The following EMSY variants were observed in gnomAD, a reference collection of about 807,000 sequenced individuals.
EMSY encodes EMSY transcriptional repressor, BRCA2 interacting, also known as BRCA2-interacting transcriptional repressor EMSY.
In EMSY, 26 loss-of-function variants were observed where a neutral mutation model predicts 134.6. The ratio of observed to expected loss-of-function variants is 0.19; its 90% CI spans 0.14 to 0.27. The LOEUF (loss-of-function observed/expected upper bound fraction) is 0.27, where lower values mean the gene tolerates loss of function less well. Ranked by LOEUF, EMSY falls within the 10% of genes least tolerant of loss-of-function variation. EMSY has a pLI of 1.00. For synonymous variants in EMSY, 579 were observed against 577.8 expected, an observed-to-expected ratio of 1.00 and a Z score of -0.03; for missense variants, 1,305 against 1,611.4, an observed-to-expected ratio of 0.81 and a Z score of 3.26.
intron 8 of EMSY, among the ~76,000 whole-genome samples, chr11:76,492,429 C>G (rs1171084405): frequency 6.6e-6 from 1 of 152,082 alleles, no homozygotes; most frequent in African/African-American, 2.4e-5. Context: ...GTTGAGATCA[C>G]GCCACTGCAC....
chr11:76,521,765 T>TA (rs757237301), intron 11 of EMSY, among the ~76,000 whole-genome samples: 2,039 of 126,996 alleles, frequency 0.016, 26 homozygotes, highest in African/African-American at 0.044. Flanking sequence ...CTGTTTCTCT[T>TA]AAAAAAAAAA....
In EMSY at chr11:76,526,719, G is replaced by T. The variant is rs139648806; in HGVS notation, c.1995+84G>T. On this transcript the variant is annotated intron_variant, in intron 13 of 20. Coordinates refer to ENST00000334736, the Ensembl canonical transcript of EMSY. ...TCCCGGGTAGAAATTTGAAGGAAAAGATCAGCAATCTTTAAGAAATCAGAT... is the reference window on the plus strand; with the variant it reads ...TCCCGGGTAGAAATTTGAAGGAAAATATCAGCAATCTTTAAGAAATCAGAT... 3.1e-4 allele frequency: 402 copies of T among 1,293,778 alleles called. 2 individuals carry two copies. In the African/African-American group the frequency reaches 5.4e-3, roughly 17 times the overall value. The allele number at this position is 1,293,778 out of a possible 1,614,324, so 80.1% of individuals were successfully genotyped here. A position where few individuals can be genotyped will look rare whatever the true frequency, so the allele number is the denominator to read the frequency against.
intron 8 of EMSY, among the ~76,000 whole-genome samples, chr11:76,494,860 C>T (rs993694368): frequency 1.3e-5 from 2 of 152,222 alleles, no homozygotes; most frequent in Admixed American, 6.5e-5. Context: ...CTCACCTTCC[C>T]GAGTAGCTGG....
intron 10 of EMSY, among the ~76,000 whole-genome samples, chr11:76,515,211 G>A (rs111801049): frequency 0.012 from 1,872 of 150,862 alleles, 32 homozygotes; most frequent in African/African-American, 0.041. Context: ...TTTTTTGGGG[G>A]GGGGGAGGAG....
intron 5 of EMSY, chr11:76,458,993 G>A (rs942306443): frequency 1.3e-5 from 2 of 152,184 alleles, no homozygotes; most frequent in African/African-American, 4.8e-5. Flanking sequence ...AGGTTACTCT[G>A]GGGAATTGTC....
At chr11:76,445,475 G>A (rs964649672) in intron 1 of EMSY, among the ~76,000 whole-genome samples, 1 of 152,162 alleles carries the variant, frequency 6.6e-6, no homozygotes, top group Non-Finnish European at 1.5e-5. Flanking sequence ...GGCTTGGGTC[G>A]TGGACTTGAC....
chr11:76,527,025 T>C (rs1950868074), intron 13 of EMSY, among the ~76,000 whole-genome samples: 2 of 152,194 alleles, frequency 1.3e-5, no homozygotes, highest in Admixed American at 6.6e-5. Flanking sequence ...CTTATAAAAT[T>C]AGCTTTGCTT....
chr11:76,539,616 A>G, exon 17 of EMSY: 1 of 1,613,826 alleles, frequency 6.2e-7, no homozygotes, highest in Non-Finnish European at 8.5e-7. Flanking sequence ...TGATGAGGGG[A>G]CAGAGGTTGC....
At chr11:76,530,219 G>A (rs1274514182) in intron 14 of EMSY, among the ~76,000 whole-genome samples, 1 of 147,850 alleles carries the variant, frequency 6.8e-6, no homozygotes, top group African/African-American at 2.6e-5. Flanking sequence ...GAGTGCAGTG[G>A]CGTGATCTCG....
intron 9 of EMSY, among the ~76,000 whole-genome samples, chr11:76,506,860 A>G (rs549371506): frequency 2.0e-5 from 3 of 152,326 alleles, no homozygotes; most frequent in East Asian, 3.9e-4. Context: ...TCCTACAGAT[A>G]CACATACAAA....
chr11:76,474,546 G>T (rs1390248862), intron 8 of EMSY, among the ~76,000 whole-genome samples: 1 of 152,154 alleles, frequency 6.6e-6, no homozygotes, highest in Non-Finnish European at 1.5e-5. Context: ...GGATTACATA[G>T]ATATGGATGC....
chr11:76,496,984 A>C (rs1439595298), intron 9 of EMSY: 2 of 190,252 alleles, frequency 1.1e-5, no homozygotes, highest in Non-Finnish European at 2.1e-5. Context: ...CTTAAGGAGA[A>C]AACATTCAGT....
At chr11:76,498,519 T>G (rs1442320533) in intron 9 of EMSY, among the ~76,000 whole-genome samples, 4 of 152,256 alleles carry the variant, frequency 2.6e-5, no homozygotes, top group African/African-American at 9.6e-5. Flanking sequence ...TATTGTTTGA[T>G]GCATACATAT....
chr11:76,489,522 G>A (rs1006879336), intron 8 of EMSY, among the ~76,000 whole-genome samples: 2 of 150,858 alleles, frequency 1.3e-5, no homozygotes, highest in Non-Finnish European at 3.0e-5. Flanking sequence ...AACCCTTGAT[G>A]TTATCACCAG....
intron 10 of EMSY, among the ~76,000 whole-genome samples, chr11:76,515,565 G>T (rs909578441): frequency 2.3e-4 from 35 of 152,142 alleles, no homozygotes; most frequent in African/African-American, 7.7e-4. Context: ...AAATATTCCT[G>T]GCAACTCTAG....
rs546797568 is a variant in EMSY at position 76,515,209 on chromosome 11, G to T, written c.1514-933G>T. On this transcript the variant is annotated intron_variant, in intron 10 of 20. Transcript: ENST00000334736. The stretch of plus-strand genomic sequence containing the variant: ...TAACTTGGTAAAAGCATTTTTTTGG[G>T]GGGGGGGAGGAGGCGAGTATTGAAA... Among the ~76,000 whole-genome samples the T allele has an allele frequency of 1.4e-4, 21 of 150,688 alleles. 1 individual carries two copies. Among genetic ancestry groups the T allele is most frequent in the South Asian group, 4.2e-4 (2 of 4,710 alleles).
At chr11:76,491,531 A>G (rs1383757081) in intron 8 of EMSY, among the ~76,000 whole-genome samples, 3 of 152,100 alleles carry the variant, frequency 2.0e-5, no homozygotes, top group Non-Finnish European at 2.9e-5. Context: ...ATGGATGCCT[A>G]TCTCAACCTG....
chr11:76,526,356 A>G, intron 12 of EMSY, 106 bp from the exon 14 acceptor site: 1 of 717,634 alleles, frequency 1.4e-6, no homozygotes, highest in Non-Finnish European at 2.1e-6. Context: ...CATAATCTAC[A>G]GCCCTTTTTT....
rs970288197 is a variant in EMSY at position 76,545,697 on chromosome 11, T to C, written c.3274-100T>C. 2.9e-6 allele frequency: 4 copies of C among 1,362,364 alleles called. No homozygotes were observed. The African/African-American group carries it at 4.4e-5, about 15-fold the overall frequency. 84.4% of individuals were successfully genotyped at this position (1,362,364 alleles called of 1,614,324 possible). On this transcript the variant is annotated intron_variant, in intron 19 of 20. Coordinates refer to ENST00000334736, the Ensembl canonical transcript of EMSY. ...AAGCTTCAAAACTGTCTTCCTAGTA[T>C]AGCGCACGAATGTTTCTTTTGCCAT...
Sources: gnomAD v4.1 joint callset for allele counts (sites outside exome capture counted in the v4.1 genomes callset) on GRCh38, gnomAD v4.1.1 for gene constraint, MANE v1.5 for transcripts, NCBI Gene and HGNC (gene_info 2026-07-23, HGNC 2026-07-21) for gene names.